The following CNTN4 variants were observed in gnomAD, a reference collection of about 807,000 sequenced individuals.
CNTN4 encodes contactin-4.
Under a neutral mutation model 122.5 loss-of-function variants are expected in CNTN4, and 77 were observed. The ratio of observed to expected loss-of-function variants is 0.63; its 90% CI spans 0.52 to 0.76. The LOEUF is 0.76. Ranked by LOEUF, CNTN4 falls within the 30% of genes least tolerant of loss-of-function variation. The pLI is 0.00. For synonymous variants in CNTN4, 512 were observed against 447.0 expected (o/e 1.15, Z -1.83); for missense variants, 1,256 against 1,259.1 (o/e 1.00, Z 0.04).
rs544064934 is a variant in CNTN4, at chr3:2,220,066, C to T, written c.-144-119112C>T. Among the ~76,000 whole-genome samples, 10 of 152,230 alleles carry T rather than the reference C, an allele frequency of 6.6e-5. No homozygotes were observed. In the South Asian group the frequency reaches 2.1e-3, roughly 32 times the overall value. ...AATACAATTACTCATTTCTTCTCTGCCATCACTCAGAGTGTTTTCTCCTTC... is the reference window on the plus strand; with the variant it reads ...AATACAATTACTCATTTCTTCTCTGTCATCACTCAGAGTGTTTTCTCCTTC... On this transcript the variant is annotated intron_variant, in intron 2 of 24. Transcript: ENST00000418658.
At chr3:2,917,513 C>G (rs2094381848) in intron 12 of CNTN4, among the ~76,000 whole-genome samples, 1 of 149,776 alleles carries the variant, frequency 6.7e-6, no homozygotes, top group South Asian at 2.2e-4. Context: ...GCATTTCTAA[C>G]AAACTTCAAG....
chr3:2,461,116 A>G (rs1033732227), intron 3 of CNTN4, among the ~76,000 whole-genome samples: 38 of 152,258 alleles, frequency 2.5e-4, no homozygotes, highest in African/African-American at 8.9e-4. Flanking sequence ...CTTGAGGCCC[A>G]TATTTATTAT....
At chr3:2,478,108 A>G (rs1404674701) in intron 3 of CNTN4, among the ~76,000 whole-genome samples, 3 of 152,210 alleles carry the variant, frequency 2.0e-5, no homozygotes, top group African/African-American at 7.2e-5. Context: ...GTCACCATGT[A>G]TTTATGAAAA....
intron 23 of CNTN4, among the ~76,000 whole-genome samples, chr3:3,050,671 A>C (rs536335110): frequency 1.3e-5 from 2 of 148,152 alleles, no homozygotes; most frequent in South Asian, 2.2e-4. Flanking sequence ...GCTGAGGCAG[A>C]AGAATTGCTT....
Position 2,890,607 on chromosome 3 carries a change from A to G in CNTN4, c.940+3383A>G, listed in dbSNP as rs148116658. On this transcript the variant is annotated intron_variant, in intron 10 of 24. Coordinates refer to ENST00000418658, the MANE Select transcript of CNTN4 (RefSeq NM_175607.3). ...GCAATTTTTTTCCTTCTTGCATTAAAACCATTTTGCATTAAAACCATTTTG... is the reference window on the plus strand; with the variant it reads ...GCAATTTTTTTCCTTCTTGCATTAAGACCATTTTGCATTAAAACCATTTTG... 1.0e-3 allele frequency among the ~76,000 whole-genome samples: 155 copies of G among 152,220 alleles called. 1 individual carries two copies. The highest frequency in any genetic ancestry group is 6.8e-3 in the Middle Eastern group (2 of 294).
At chr3:2,938,720 T>G (rs752624891) in intron 13 of CNTN4, among the ~76,000 whole-genome samples, 2 of 152,216 alleles carry the variant, frequency 1.3e-5, no homozygotes, top group Non-Finnish European at 2.9e-5. Context: ...GCTTTATCAT[T>G]TCCTGAGAGG....
At chr3:2,446,838 G>A (rs1424636225) in intron 3 of CNTN4, among the ~76,000 whole-genome samples, 1 of 152,156 alleles carries the variant, frequency 6.6e-6, no homozygotes, top group Non-Finnish European at 1.5e-5. Context: ...CCTCTCTGCA[G>A]TATTGGAGAA....
chr3:2,458,036 G>A (rs1464138899), intron 3 of CNTN4, among the ~76,000 whole-genome samples: 1 of 152,118 alleles, frequency 6.6e-6, no homozygotes, highest in African/African-American at 2.4e-5. Flanking sequence ...TGTTCCGTCT[G>A]TGGAACCACA....
At chr3:2,570,779 A>G (rs1018742289) in intron 3 of CNTN4, among the ~76,000 whole-genome samples, 5 of 152,178 alleles carry the variant, frequency 3.3e-5, no homozygotes, top group African/African-American at 1.2e-4. Flanking sequence ...ATTCTTGGCT[A>G]ACAGAAGTAT....
Position 2,822,392 on chromosome 3 carries a change from A to G in CNTN4, c.454+2811A>G, listed in dbSNP as rs371148855. On this transcript the variant is annotated intron_variant, in intron 7 of 24. Coordinates refer to ENST00000418658, the MANE Select transcript of CNTN4 (RefSeq NM_175607.3). ...TCTATCAACACATAATTATAACTCGATAAGGGCTAAACATCTTGTTTATCA... is the reference window on the plus strand; with the variant it reads ...TCTATCAACACATAATTATAACTCGGTAAGGGCTAAACATCTTGTTTATCA... 6.6e-5 allele frequency among the ~76,000 whole-genome samples: 10 copies of G among 152,304 alleles called. No individual in the cohort carries two copies. The East Asian group carries it at 1.9e-3, about 29-fold the overall frequency.
At chr3:2,592,614 C>T (rs1298031918) in intron 4 of CNTN4, among the ~76,000 whole-genome samples, 1 of 152,068 alleles carries the variant, frequency 6.6e-6, no homozygotes, top group Non-Finnish European at 1.5e-5. Context: ...TGCCAACATC[C>T]ATGTAAGACA....
Position 2,603,666 on chromosome 3 carries a change from T to G in CNTN4, c.55+32108T>G, listed in dbSNP as rs115784038. Among the ~76,000 whole-genome samples the G allele has an allele frequency of 7.9e-3, 1,210 of 152,292 alleles. 14 individuals carry two copies. The highest frequency in any genetic ancestry group is 0.028 in the African/African-American group (1,177 of 41,558). On this transcript the variant is annotated intron_variant, in intron 4 of 24. Coordinates refer to ENST00000418658, the MANE Select transcript of CNTN4 (RefSeq NM_175607.3). ...TCTTATCCTTGAAAACAAAGTGAAG[T>G]GCATATGAGAGCTCCGGTGGAATAA...
At chr3:2,132,735 G>T (rs1301211653) in intron 2 of CNTN4, among the ~76,000 whole-genome samples, 1 of 152,040 alleles carries the variant, frequency 6.6e-6, no homozygotes. Flanking sequence ...CACAATGAAT[G>T]GGGTTTTCTC....
intron 3 of CNTN4, among the ~76,000 whole-genome samples, chr3:2,481,073 C>G (rs1207731468): frequency 1.4e-5 from 2 of 145,478 alleles, no homozygotes; most frequent in Non-Finnish European, 3.0e-5. Flanking sequence ...CTCTTTCTCT[C>G]TTTCTCTCTT....
chr3:2,431,041 A>G (rs1267924584), intron 3 of CNTN4, among the ~76,000 whole-genome samples: 2 of 152,210 alleles, frequency 1.3e-5, no homozygotes, highest in Non-Finnish European at 2.9e-5. Context: ...ATATTCACCT[A>G]GCCTTTTTGT....
chr3:2,519,487 T>G (rs66679009), intron 3 of CNTN4, among the ~76,000 whole-genome samples: 29,472 of 152,184 alleles, frequency 0.19, 2,998 homozygotes, highest in Middle Eastern at 0.23. Flanking sequence ...CCATATGGGT[T>G]CCCTTCTCTG....
intron 7 of CNTN4, among the ~76,000 whole-genome samples, chr3:2,857,376 G>C (rs2093628227): frequency 6.6e-6 from 1 of 152,192 alleles, no homozygotes; most frequent in Admixed American, 6.5e-5. Context: ...TGAGCTTTGT[G>C]TGTTTGAGCT....
intron 10 of CNTN4, among the ~76,000 whole-genome samples, chr3:2,893,241 T>A (rs2151066036): frequency 6.6e-6 from 1 of 152,326 alleles, no homozygotes; most frequent in Non-Finnish European, 1.5e-5. Flanking sequence ...TTGATGACAC[T>A]GCAAATGGTG....
chr3:2,873,046 C>T (rs1237710082), intron 8 of CNTN4, among the ~76,000 whole-genome samples: 4 of 152,110 alleles, frequency 2.6e-5, no homozygotes, highest in Non-Finnish European at 4.4e-5. Context: ...CAAACGATGA[C>T]CTCAGCATCC....
Sources: gnomAD v4.1 joint callset for allele counts (sites outside exome capture counted in the v4.1 genomes callset) on GRCh38, gnomAD v4.1.1 for gene constraint, MANE v1.5 for transcripts, NCBI Gene and HGNC (gene_info 2026-07-23, HGNC 2026-07-21) for gene names.